Variants in CYFIP2 observed in about 807,000 individuals in gnomAD.
CYFIP2 encodes the protein cytoplasmic FMR1-interacting protein 2.
CYFIP2 carries 29 observed loss-of-function variants against 158.7 expected under a neutral mutation model. The observed-to-expected ratio is 0.18, with a 90% CI of 0.14 to 0.25. CYFIP2 has a LOEUF of 0.25. Among genes scored for constraint, CYFIP2 ranks in the 10% least tolerant of loss-of-function variants. The pLI is 1.00. For missense variants in CYFIP2, 852 were observed against 1,639.5 expected (o/e 0.52, Z 8.29); for synonymous variants, 585 against 617.6 (o/e 0.95, Z 0.78).
At chr5:157,289,576 G>A in intron 3 of CYFIP2, among the ~76,000 whole-genome samples, 1 of 152,088 alleles carries the variant, frequency 6.6e-6, no homozygotes, top group Non-Finnish European at 1.5e-5. Context: ...TCTCTTCTCT[G>A]TGTGCACACA....
At chr5:157,342,730 C>T (rs1361181973) in intron 23 of CYFIP2, 2 of 928,622 alleles carry the variant, frequency 2.2e-6, no homozygotes, top group Non-Finnish European at 3.1e-6. Flanking sequence ...GGCATTCATC[C>T]AACCCAGGTG....
Position 157,393,676 on chromosome 5 carries a change from G to A in CYFIP2, c.*676G>A, listed in dbSNP as rs147444680. 5.9e-5 allele frequency: 9 copies of A among 152,436 alleles called. No individual in the cohort carries two copies. Among genetic ancestry groups the A allele is most frequent in the Non-Finnish European group, 1.3e-4 (9 of 68,142 alleles). 9.4% of individuals were successfully genotyped at this position (152,436 alleles called of 1,614,324 possible). ...AGGAGACTGATCAGGCCTGCTGTGG[G>A]GAAGCAGTATGTATGAACACAGCCA... On this transcript the variant is annotated 3_prime_UTR_variant, in exon 31 of 31. Transcript: ENST00000620254.
chr5:157,300,903 GCAA>G lies in CYFIP2; in HGVS notation c.569+9_569+11del. Reference sequence around the variant, plus strand: ...ACCACTCTGCCTACAAGAGGTCAGGGCAACCTCCCCCTCTCCCCTTTCCCCATC... The same window carrying G: ...ACCACTCTGCCTACAAGAGGTCAGGGCCTCCCCCTCTCCCCTTTCCCCATC... On this transcript the variant is annotated splice_region_variant and intron_variant, in intron 6 of 30. Transcript: ENST00000620254. The G allele has an allele frequency of 6.5e-7, 1 of 1,549,454 alleles. No individual in the cohort carries two copies. Among genetic ancestry groups the G allele is most frequent in the South Asian group, 1.2e-5 (1 of 82,870 alleles).
intron 3 of CYFIP2, among the ~76,000 whole-genome samples, chr5:157,292,231 T>G (rs1035485095): frequency 8.5e-5 from 13 of 152,272 alleles, no homozygotes; most frequent in Middle Eastern, 3.4e-3. Context: ...TTTTTTTATT[T>G]TTTTTGAGAT....
intron 9 of CYFIP2, among the ~76,000 whole-genome samples, chr5:157,308,603 A>G (rs908408330): frequency 6.6e-5 from 10 of 152,238 alleles, no homozygotes; most frequent in African/African-American, 2.4e-4. Context: ...TAATATTCAC[A>G]GCAGAACTCA....
intron 10 of CYFIP2, 52 bp downstream of exon 10, chr5:157,309,886 G>A (rs934688800): frequency 1.4e-5 from 22 of 1,527,022 alleles, no homozygotes; most frequent in African/African-American, 5.5e-5. Flanking sequence ...CCCAGCCCGG[G>A]CAGAGAGCCG....
intron 16 of CYFIP2, 27 bp from the exon 17 acceptor site, chr5:157,325,455 C>A: frequency 6.4e-7 from 1 of 1,570,230 alleles, no homozygotes; most frequent in South Asian, 1.2e-5. Context: ...TAAAAGTAAC[C>A]AAAGGCTCGT....
At chr5:157,307,267 G>A (rs573371879) in intron 8 of CYFIP2, among the ~76,000 whole-genome samples, 5 of 152,240 alleles carry the variant, frequency 3.3e-5, no homozygotes, top group African/African-American at 9.6e-5. Flanking sequence ...TGCCTGTATT[G>A]TGCCCCACCC....
chr5:157,331,306 C>T (rs577030075), intron 20 of CYFIP2, among the ~76,000 whole-genome samples: 8 of 150,974 alleles, frequency 5.3e-5, no homozygotes, highest in Non-Finnish European at 8.8e-5. Context: ...TAACATTTGA[C>T]CCTATATGTA....
At chr5:157,364,108 G>A (rs1006858649) in intron 26 of CYFIP2, 6 of 146,490 alleles carry the variant, frequency 4.1e-5, no homozygotes, top group African/African-American at 1.3e-4. Context: ...GACCCAGGTT[G>A]CTATAGCAAC....
chr5:157,322,416 G>A (rs1337203080), intron 15 of CYFIP2, among the ~76,000 whole-genome samples: 2 of 152,144 alleles, frequency 1.3e-5, no homozygotes, highest in Admixed American at 1.3e-4. Flanking sequence ...AAAGTACGTG[G>A]GAAAAAAGTT....
chr5:157,294,897 A>G (rs1455175498), intron 4 of CYFIP2, 37 bp downstream of exon 4: 1 of 1,567,890 alleles, frequency 6.4e-7, no homozygotes, highest in Non-Finnish European at 8.8e-7. Flanking sequence ...TTTCCCCTCC[A>G]GAGGGCATTA....
chr5:157,307,378 C>T (rs1979006), intron 8 of CYFIP2, among the ~76,000 whole-genome samples: 20,368 of 152,090 alleles, frequency 0.13, 2,183 homozygotes, highest in African/African-American at 0.28. Context: ...TCTGCTGCTT[C>T]GCTGTGTGGC....
At chr5:157,270,050 G>A (rs1387015646) in intron 1 of CYFIP2, among the ~76,000 whole-genome samples, 1 of 152,218 alleles carries the variant, frequency 6.6e-6, no homozygotes, top group East Asian at 1.9e-4. Flanking sequence ...AGAATTTCTT[G>A]CAGGGATCAT....
intron 28 of CYFIP2, 90 bp downstream of exon 28, chr5:157,383,449 C>A (rs1766331544): frequency 8.3e-7 from 1 of 1,209,058 alleles, no homozygotes; most frequent in Non-Finnish European, 1.2e-6. Context: ...GGTCAGGAAA[C>A]TGAGGCTCAG....
intron 13 of CYFIP2, among the ~76,000 whole-genome samples, chr5:157,316,722 A>G (rs1306288069): frequency 6.6e-6 from 1 of 152,226 alleles, no homozygotes; most frequent in Non-Finnish European, 1.5e-5. Flanking sequence ...AAATGGAGCT[A>G]ATCAACCTTC....
chr5:157,379,406 A>C (rs992267869), intron 26 of CYFIP2, among the ~76,000 whole-genome samples: 1 of 151,860 alleles, frequency 6.6e-6, no homozygotes, highest in Non-Finnish European at 1.5e-5. Context: ...AACCGCCAAA[A>C]CTCACTTAAA....
At chr5:157,313,953 G>C (rs546452486) in intron 11 of CYFIP2, among the ~76,000 whole-genome samples, 1 of 152,188 alleles carries the variant, frequency 6.6e-6, no homozygotes, top group Admixed American at 6.5e-5. Context: ...GTTGAGGCTG[G>C]GTGTGGTGGC....
intron 13 of CYFIP2, among the ~76,000 whole-genome samples, chr5:157,318,195 T>C (rs1334755879): frequency 6.6e-6 from 1 of 152,228 alleles, no homozygotes; most frequent in Non-Finnish European, 1.5e-5. Context: ...TAAGGGTGCC[T>C]TTTGAAGAGC....
Sources: gnomAD v4.1 joint callset for allele counts (sites outside exome capture counted in the v4.1 genomes callset) on GRCh38, gnomAD v4.1.1 for gene constraint, MANE v1.5 for transcripts, NCBI Gene and HGNC (gene_info 2026-07-23, HGNC 2026-07-21) for gene names.